CADM1: variants seen among roughly 807,000 people sequenced by gnomAD.
The protein encoded by CADM1 is TSLC-1.
Under a neutral mutation model 53.1 loss-of-function variants are expected in CADM1, and 15 were observed. The ratio of observed to expected loss-of-function variants is 0.28; its 90% CI spans 0.19 to 0.44. The LOEUF (loss-of-function observed/expected upper bound fraction) is 0.44. Among genes scored for constraint, CADM1 ranks in the 20% least tolerant of loss-of-function variants. The pLI is 1.00. For missense variants in CADM1, 434 were observed against 611.3 expected, an observed-to-expected ratio of 0.71 and a Z score of 3.06; for synonymous variants, 281 against 243.0, an observed-to-expected ratio of 1.16 and a Z score of -1.45.
At position 115,229,034 on chromosome 11, in the gene CADM1, G is replaced by A. The variant is rs1254740818; in HGVS notation, c.721+79C>T. 9.6e-6 allele frequency: 12 copies of A among 1,250,920 alleles called. No homozygotes were observed. In the East Asian group the frequency reaches 2.6e-4, roughly 27 times the overall value. 77.5% of individuals were successfully genotyped at this position (1,250,920 alleles called of 1,614,324 possible). A position where few individuals can be genotyped will look rare whatever the true frequency, so the allele number is the denominator to read the frequency against. ...TCTATGTATACTATATAAAATGAATGCATTGAATAAATGGCTTCTGAAGAG... is the reference window on the plus strand; with the variant it reads ...TCTATGTATACTATATAAAATGAATACATTGAATAAATGGCTTCTGAAGAG... On this transcript the variant is annotated intron_variant, in intron 5 of 11. Coordinates refer to ENST00000331581, the MANE Select transcript of CADM1 (RefSeq NM_001301043.2).
chr11:115,286,330 C>CACACT (rs1464813743), intron 1 of CADM1, among the ~76,000 whole-genome samples: 4 of 151,868 alleles, frequency 2.6e-5, no homozygotes, highest in Non-Finnish European at 1.5e-5. Context: ...ACACTCACAC[C>CACACT]CACACTCACA....
intron 1 of CADM1, among the ~76,000 whole-genome samples, chr11:115,420,390 T>C (rs1287689740): frequency 6.6e-6 from 1 of 152,174 alleles, no homozygotes; most frequent in African/African-American, 2.4e-5. Flanking sequence ...ACAGGTGTAT[T>C]GATAATTGAC....
intron 10 of CADM1, among the ~76,000 whole-genome samples, chr11:115,185,739 A>G (rs1021466063): frequency 2.6e-5 from 4 of 152,210 alleles, no homozygotes; most frequent in African/African-American, 9.7e-5. Flanking sequence ...CATTTTAAGC[A>G]ACAGGAAGGC....
In CADM1 at chr11:115,430,355, T is replaced by G. The variant is rs142636206; in HGVS notation, c.124+73916A>C. Among the ~76,000 whole-genome samples, 102 of 152,330 alleles carry G rather than the reference T, an allele frequency of 6.7e-4. 1 individual carries two copies. Among genetic ancestry groups the G allele is most frequent in the African/African-American group, 2.3e-3 (96 of 41,582 alleles). ...ATTTATTTAAGATTTACCTCAAAAC[T>G]TCATTTGTTACTTTGAAAGGTTTTC... is the stretch of plus-strand genomic sequence containing the variant. On this transcript the variant is annotated intron_variant, in intron 1 of 11. Transcript: ENST00000331581.
At position 115,436,249 on chromosome 11, in the gene CADM1, A is replaced by C. The variant is rs1480818575; in HGVS notation, c.124+68022T>G. Among the ~76,000 whole-genome samples, 6 of 152,078 alleles carry C rather than the reference A, an allele frequency of 3.9e-5. No individual in the cohort carries two copies. In the East Asian group the frequency reaches 1.2e-3, roughly 29 times the overall value. ...GAAGCAAAAGGATCCCAAGTTCTCC[A>C]TTTTTTTCTAATTCTGGTATCTTTT... On this transcript the variant is annotated intron_variant, in intron 1 of 11. Transcript: ENST00000331581.
chr11:115,291,037 G>A (rs1761914246), intron 1 of CADM1, among the ~76,000 whole-genome samples: 2 of 152,158 alleles, frequency 1.3e-5, no homozygotes, highest in Admixed American at 1.3e-4. Context: ...CTTCAAGATA[G>A]CGTAGTGCCC....
At chr11:115,309,852 A>T (rs536678178) in intron 1 of CADM1, among the ~76,000 whole-genome samples, 174 of 152,284 alleles carry the variant, frequency 1.1e-3, no homozygotes, top group Non-Finnish European at 1.9e-3. Flanking sequence ...CTATGTGCAT[A>T]GCATGGTGCT....
chr11:115,176,254 A>T lies in CADM1; in HGVS notation c.*220T>A. 7.6e-7 allele frequency: 1 copy of T among 1,310,472 alleles called. No individual in the cohort carries two copies. The highest frequency in any genetic ancestry group is 9.8e-7 in the Non-Finnish European group (1 of 1,020,258). The allele number at this position is 1,310,472 out of a possible 1,614,324, so 81.2% of individuals were successfully genotyped here. ...ACTTGGTAGGAAGAAATAAAAATTAAACAAACAAACAAACGAAAAAAGAGG... is the reference window on the plus strand; with the variant it reads ...ACTTGGTAGGAAGAAATAAAAATTATACAAACAAACAAACGAAAAAAGAGG... On this transcript the variant is annotated 3_prime_UTR_variant, in exon 12 of 12. Transcript: ENST00000331581.
chr11:115,481,465 G>A (rs772427221), intron 1 of CADM1, among the ~76,000 whole-genome samples: 21 of 151,994 alleles, frequency 1.4e-4, no homozygotes, highest in Admixed American at 5.9e-4. Context: ...AATTGTTGAC[G>A]TTCCTGACAT....
At chr11:115,223,274 C>A (rs1387135809) in intron 5 of CADM1, among the ~76,000 whole-genome samples, 5 of 152,204 alleles carry the variant, frequency 3.3e-5, no homozygotes, top group African/African-American at 1.2e-4. Context: ...CATATTTCCA[C>A]TTCACCATAC....
intron 1 of CADM1, among the ~76,000 whole-genome samples, chr11:115,268,744 G>C (rs1943214868): frequency 6.6e-6 from 1 of 152,190 alleles, no homozygotes; most frequent in African/African-American, 2.4e-5. Flanking sequence ...AAAGGCATCT[G>C]ATAAAGAGAA....
At chr11:115,442,453 T>C (rs1591244544) in intron 1 of CADM1, among the ~76,000 whole-genome samples, 1 of 152,198 alleles carries the variant, frequency 6.6e-6, no homozygotes, top group Admixed American at 6.5e-5. Context: ...CACAAGCGAA[T>C]AGACAGAAAA....
chr11:115,487,107 C>G (rs547725048), intron 1 of CADM1, among the ~76,000 whole-genome samples: 18 of 152,148 alleles, frequency 1.2e-4, no homozygotes, highest in South Asian at 4.1e-4. Flanking sequence ...TTTGCTCCAG[C>G]CTTGTTGTTT....
intron 10 of CADM1, among the ~76,000 whole-genome samples, chr11:115,183,031 C>G (rs1212744546): frequency 6.6e-6 from 1 of 152,148 alleles, no homozygotes; most frequent in Non-Finnish European, 1.5e-5. Context: ...AAGAAACTCC[C>G]AAGAGTGATG....
intron 1 of CADM1, among the ~76,000 whole-genome samples, chr11:115,272,790 C>T (rs1943336013): frequency 6.6e-6 from 1 of 150,742 alleles, no homozygotes. Context: ...GGGAGATACA[C>T]CTAATGCTAG....
In CADM1 at chr11:115,405,548, T is replaced by C. The variant is rs77201013; in HGVS notation, c.124+98723A>G. Among the ~76,000 whole-genome samples the C allele has an allele frequency of 6.1e-3, 928 of 152,314 alleles. 10 individuals are homozygous for C. The highest frequency in any genetic ancestry group is 0.021 in the African/African-American group (886 of 41,556). The stretch of plus-strand genomic sequence containing the variant: ...TAAGAATGGTCATCCTTTCACTGGA[T>C]GTAACAGTCTACTGCAAACAAGAAA... On this transcript the variant is annotated intron_variant, in intron 1 of 11. Coordinates refer to ENST00000331581, the MANE Select transcript of CADM1 (RefSeq NM_001301043.2).
At chr11:115,263,926 T>C (rs1241444721) in intron 1 of CADM1, among the ~76,000 whole-genome samples, 1 of 152,184 alleles carries the variant, frequency 6.6e-6, no homozygotes, top group Non-Finnish European at 1.5e-5. Context: ...TCTGCTATAG[T>C]ACTATGTCTA....
chr11:115,304,152 G>C (rs1313955241), intron 1 of CADM1, among the ~76,000 whole-genome samples: 1 of 152,060 alleles, frequency 6.6e-6, no homozygotes, highest in Non-Finnish European at 1.5e-5. Flanking sequence ...ATTCATTTGT[G>C]ATCTGAGTCT....
At chr11:115,329,613 G>A (rs1421628181) in intron 1 of CADM1, among the ~76,000 whole-genome samples, 1 of 152,100 alleles carries the variant, frequency 6.6e-6, no homozygotes, top group Admixed American at 6.5e-5. Flanking sequence ...GACTCCCAAA[G>A]CCCCAGTGGG....
Sources: allele counts gnomAD v4.1 joint callset (sites outside exome capture counted in the v4.1 genomes callset), GRCh38; gene constraint gnomAD v4.1.1; transcripts MANE v1.5; gene names NCBI Gene and HGNC (gene_info 2026-07-23, HGNC 2026-07-21).